Variants in SLC5A10 observed in about 807,000 individuals in gnomAD.
SLC5A10 encodes sodium/mannose cotransporter SLC5A10.
SLC5A10 carries 55 observed loss-of-function variants against 68.9 expected under a neutral mutation model. That is an observed-to-expected ratio of 0.80 (90% CI 0.64 to 1.00). The LOEUF (loss-of-function observed/expected upper bound fraction) is 1.00, where lower values mean the gene tolerates loss of function less well. Among genes scored for constraint, SLC5A10 ranks in the 50% least tolerant of loss-of-function variants. The pLI, the probability that SLC5A10 is intolerant of heterozygous loss-of-function variation, is 0.00. For missense variants in SLC5A10, 732 were observed against 819.3 expected, an observed-to-expected ratio of 0.89 and a Z score of 1.30; for synonymous variants, 344 against 344.8, an observed-to-expected ratio of 1.00 and a Z score of 0.02.
chr17:19,002,118 C>CCCCT (rs149480600), intron 9 of SLC5A10, among the ~76,000 whole-genome samples: 5 of 152,024 alleles, frequency 3.3e-5, no homozygotes, highest in African/African-American at 1.2e-4. Context: ...TTCCTCCTCC[C>CCCCT]CCTCCTCCTC....
chr17:19,004,238 C>G lies in SLC5A10; in HGVS notation c.983-9172C>G, dbSNP rs1472162122. On this transcript the variant is annotated intron_variant, in intron 9 of 14. Coordinates refer to ENST00000395645, the MANE Select transcript of SLC5A10 (RefSeq NM_001042450.4). This position sits in a 1 kb window ranked among gnomAD's most constrained non-coding sequence, Gnocchi z 5.4. Reference sequence around the variant, plus strand: ...GCCGCGCGGGGAGGGGCGGCGGGGGCGGGGCCGGGAACTCAGGTGGGCGTG... The same window carrying G: ...GCCGCGCGGGGAGGGGCGGCGGGGGGGGGGCCGGGAACTCAGGTGGGCGTG... 3.6e-4 allele frequency: 60 copies of G among 168,808 alleles called. No individual in the cohort carries two copies. The highest frequency in any genetic ancestry group is 8.5e-4 in the East Asian group (4 of 4,690). The allele number at this position is 168,808 out of a possible 1,614,324, so 10.5% of individuals were successfully genotyped here.
chr17:18,956,755 C>G (rs2042512628), intron 1 of SLC5A10, among the ~76,000 whole-genome samples: 3 of 152,312 alleles, frequency 2.0e-5, no homozygotes, highest in South Asian at 2.1e-4. Flanking sequence ...GGATTACAGG[C>G]ATGAGCCACC....
In SLC5A10 at chr17:19,015,204, G is replaced by C; in HGVS notation, c.1241+5G>C. 1.3e-6 allele frequency: 2 copies of C among 1,491,942 alleles called. No homozygotes were observed. Among genetic ancestry groups the C allele is most frequent in the Non-Finnish European group, 1.8e-6 (2 of 1,084,920 alleles). 92.4% of individuals were successfully genotyped at this position (1,491,942 alleles called of 1,614,324 possible). ...GGAGCTCCTGCTGGTGGGACGGTAC[G>C]GGGGTGGGGGCCAGTACGGGGGTGG... is the stretch of plus-strand genomic sequence containing the variant. On this transcript the variant is annotated splice_donor_5th_base_variant and intron_variant, in intron 11 of 14. Coordinates refer to ENST00000395645, the MANE Select transcript of SLC5A10 (RefSeq NM_001042450.4).
rs1375511668 is a variant in SLC5A10 at position 19,003,579 on chromosome 17, TG to T, written c.983-9825del. The T allele has an allele frequency of 1.9e-6, 3 of 1,597,144 alleles. No homozygotes were observed. The highest frequency in any genetic ancestry group is 2.6e-6 in the Non-Finnish European group (3 of 1,171,704). The stretch of plus-strand genomic sequence containing the variant: ...TCTTTGATGTGGGCCTGCCCGTCTA[TG>T]GGGGGCTGCATGTAGACGCTAGCCC... On this transcript the variant is annotated intron_variant, in intron 9 of 14. Transcript: ENST00000395645. The surrounding 1 kb of genome is among the most constrained non-coding windows in gnomAD (Gnocchi z 4.5).
chr17:18,971,220 T>C lies in SLC5A10; in HGVS notation c.846+2T>C, dbSNP rs992243960. The stretch of plus-strand genomic sequence containing the variant: ...ACCTGGTACTGGTGCACCGACCAGG[T>C]GAGTGCCAACGTCTCCCGCCCATCC... On this transcript the variant is annotated splice_donor_variant, in intron 8 of 14. Transcript: ENST00000395645. LOFTEE classifies it high-confidence loss of function. The surrounding 1 kb of genome is among the most constrained non-coding windows in gnomAD (Gnocchi z 5.5). 1.2e-6 allele frequency: 2 copies of C among 1,613,792 alleles called. No homozygotes were observed. Among genetic ancestry groups the C allele is most frequent in the Non-Finnish European group, 1.7e-6 (2 of 1,179,998 alleles).
chr17:18,966,014 G>A (rs543725657), intron 5 of SLC5A10, among the ~76,000 whole-genome samples: 34 of 152,194 alleles, frequency 2.2e-4, no homozygotes, highest in Non-Finnish European at 3.5e-4. Flanking sequence ...ACATCAGGGC[G>A]CCGTGTGGCA....
In SLC5A10 at chr17:18,958,753, G is replaced by C. The variant is rs751313038; in HGVS notation, c.183G>C (p.Pro61=). ...CAGGCCGGGACATGACGTGGTGGCC[G>C]GTGAGTGCACCCTGACTTCTCACAC... ...FLAGRDMTWW[P]IGASLFASSE... is the part of the protein sequence containing the mutation. The change falls in exon 2 of 15, where the codon CCG becomes CCC. Residue 61 remains proline, a splice_region_variant and synonymous_variant. Coordinates refer to ENST00000395645, the MANE Select transcript of SLC5A10 (RefSeq NM_001042450.4). The C allele has an allele frequency of 5.0e-6, 8 of 1,614,082 alleles. No individual in the cohort carries two copies. The highest frequency in any genetic ancestry group is 1.6e-4 in the Middle Eastern group (1 of 6,062).
chr17:19,020,964 T>C lies in SLC5A10; in HGVS notation c.*533T>C, dbSNP rs541218993. On this transcript the variant is annotated 3_prime_UTR_variant, in exon 15 of 15. Coordinates refer to ENST00000395645, the MANE Select transcript of SLC5A10 (RefSeq NM_001042450.4). The stretch of plus-strand genomic sequence containing the variant: ...GCCTGGCGTTCAAAGCCTTTCCAAG[T>C]CCCACCTCACTTTTCCCTCTCCCAA... The C allele has an allele frequency of 6.4e-6, 1 of 156,812 alleles. No homozygotes were observed. Among genetic ancestry groups the C allele is most frequent in the African/African-American group, 2.4e-5 (1 of 41,542 alleles). The allele number at this position is 156,812 out of a possible 1,614,324, so 9.7% of individuals were successfully genotyped here.
At chr17:18,994,086 C>G (rs770741209) in intron 9 of SLC5A10, among the ~76,000 whole-genome samples, 3 of 152,202 alleles carry the variant, frequency 2.0e-5, no homozygotes, top group Non-Finnish European at 2.9e-5. Context: ...GGGCTGCTCA[C>G]AGGAATGCTG....
chr17:18,994,203 A>G (rs1244638458), intron 9 of SLC5A10, among the ~76,000 whole-genome samples: 2 of 152,250 alleles, frequency 1.3e-5, no homozygotes, highest in African/African-American at 2.4e-5. Flanking sequence ...TGCCTTAGCA[A>G]TAAAAAACCC....
At position 18,971,123 on chromosome 17, in the gene SLC5A10, C is replaced by A. The variant is rs747784877; in HGVS notation, c.751C>A (p.His251Asn). 1 of 1,614,122 alleles carries A rather than the reference C, an allele frequency of 6.2e-7. No individual in the cohort carries two copies. The highest frequency in any genetic ancestry group is 8.5e-7 in the Non-Finnish European group (1 of 1,180,038). The change falls in exon 8 of 15, where the codon CAC becomes AAC. Residue 251 changes from histidine (H) to asparagine (N), a missense_variant. Transcript: ENST00000395645. The surrounding 1 kb of genome is among the most constrained non-coding windows in gnomAD (Gnocchi z 5.5). ...CCACCTGCCACGTACAGACGCCATG[C>A]ACATGTTTCGAGACCCCCACACAGG... ...TCHLPRTDAM[H>N]MFRDPHTGDL...
intron 8 of SLC5A10, 23 bp from the exon 9 acceptor site, chr17:18,976,831 C>A (rs773418136): frequency 8.7e-6 from 14 of 1,611,520 alleles, no homozygotes; most frequent in Admixed American, 5.0e-5. Context: ...TTGGACTCAC[C>A]CCGTCTCGCA....
intron 10 of SLC5A10, among the ~76,000 whole-genome samples, chr17:19,014,251 C>T (rs974874354): frequency 1.3e-5 from 2 of 152,128 alleles, no homozygotes; most frequent in Admixed American, 1.3e-4. Flanking sequence ...AGAGGGGAGG[C>T]GACCAGCCTG....
chr17:18,978,529 T>C, intron 9 of SLC5A10: 3 of 1,613,386 alleles, frequency 1.9e-6, no homozygotes, highest in African/African-American at 2.7e-5. Context: ...CAGCCAGCGC[T>C]GGGCCTTTCA....
Position 18,988,554 on chromosome 17 carries a change from C to G in SLC5A10, c.982+11565C>G. The stretch of plus-strand genomic sequence containing the variant: ...GGCCCTACTCCTGGAGCCTCAGGCC[C>G]GGGACCAGGAAGTGAGGGGCCAGGG... On this transcript the variant is annotated intron_variant, in intron 9 of 14. Coordinates refer to ENST00000395645, the MANE Select transcript of SLC5A10 (RefSeq NM_001042450.4). The G allele has an allele frequency of 2.8e-6, 4 of 1,406,060 alleles. No homozygotes were observed. The Admixed American group carries it at 9.5e-5, about 33-fold the overall frequency. 87.1% of individuals were successfully genotyped at this position (1,406,060 alleles called of 1,614,324 possible).
Position 19,019,704 on chromosome 17 carries a change from C to T in SLC5A10, c.1411-9C>T. On this transcript the variant is annotated splice_polypyrimidine_tract_variant and intron_variant, in intron 12 of 14. Coordinates refer to ENST00000395645, the MANE Select transcript of SLC5A10 (RefSeq NM_001042450.4). ...GTAGCCCCACATGCCCTGCCTCCCT[C>T]CTCCCCAGGGGGCCTTCTGGGGCCT... 2 of 1,607,932 alleles carry T rather than the reference C, an allele frequency of 1.2e-6. No individual in the cohort carries two copies. The highest frequency in any genetic ancestry group is 1.7e-6 in the Non-Finnish European group (2 of 1,179,044).
chr17:19,020,319 C>T lies in SLC5A10; in HGVS notation c.1685-6C>T, dbSNP rs766230192. 13 of 1,614,036 alleles carry T rather than the reference C, an allele frequency of 8.1e-6. No individual in the cohort carries two copies. The African/African-American group carries it at 1.5e-4, about 18-fold the overall frequency. ...TCTGTCCCTCTCCTTCTGCAACCCC[C>T]TCCAGGTGATGGCCAAACACCCCAG... On this transcript the variant is annotated splice_polypyrimidine_tract_variant and splice_region_variant and intron_variant, in intron 14 of 14. Coordinates refer to ENST00000395645, the MANE Select transcript of SLC5A10 (RefSeq NM_001042450.4).
chr17:18,955,491 T>C (rs2042480243), intron 1 of SLC5A10, among the ~76,000 whole-genome samples: 1 of 152,226 alleles, frequency 6.6e-6, no homozygotes. Context: ...AATGGGTACA[T>C]GTGGCCCCCA....
chr17:18,960,964 C>T lies in SLC5A10; in HGVS notation c.453+312C>T, dbSNP rs376144509. 2.9e-4 allele frequency among the ~76,000 whole-genome samples: 44 copies of T among 152,198 alleles called. No individual in the cohort carries two copies. The East Asian group carries it at 3.5e-3, about 12-fold the overall frequency. On this transcript the variant is annotated intron_variant, in intron 5 of 14. Transcript: ENST00000395645. The stretch of plus-strand genomic sequence containing the variant: ...CTCGGTCTGAGGTCAGTTCTGGGGC[C>T]GGCACCGGGGTGAGCCACGATCTCC...
Sources: gnomAD v4.1 joint callset for allele counts (sites outside exome capture counted in the v4.1 genomes callset) on GRCh38, gnomAD v4.1.1 for gene constraint, Gnocchi (gnomAD v3.1) non-coding constraint, MANE v1.5 for transcripts, NCBI Gene and HGNC (gene_info 2026-07-23, HGNC 2026-07-21) for gene names.